Variants in SBK1 observed in about 807,000 individuals in gnomAD.
SBK1 encodes the protein SH3 domain binding kinase 1.
A neutral mutation model predicts 24.4 loss-of-function variants in SBK1; 11 were observed. That is an observed-to-expected ratio of 0.45 (90% CI 0.28 to 0.75). SBK1 has a LOEUF of 0.75. SBK1 is among the 30% of genes least tolerant of loss of function. The probability of loss-of-function intolerance (pLI) is 0.12; values close to 1 mark genes in which losing one functional copy is unlikely to be tolerated. For synonymous variants in SBK1, 308 were observed against 284.4 expected (o/e 1.08, Z -0.83); for missense variants, 467 against 620.5 (o/e 0.75, Z 2.63).
At chr16:28,306,003 G>A (rs190221117) in intron 1 of SBK1, among the ~76,000 whole-genome samples, 84 of 152,258 alleles carry the variant, frequency 5.5e-4, no homozygotes, top group Middle Eastern at 3.4e-3. Context: ...CTCTCTGCCC[G>A]TGAAGTTTGG....
chr16:28,310,491 G>T (rs958501002), intron 1 of SBK1, among the ~76,000 whole-genome samples: 1 of 152,206 alleles, frequency 6.6e-6, no homozygotes, highest in African/African-American at 2.4e-5. Flanking sequence ...AGAGTGAAAG[G>T]TACCAGCTTT....
chr16:28,280,115 CTA>C (rs1193408430), intron 1 of SBK1, among the ~76,000 whole-genome samples: 326 of 29,442 alleles, frequency 0.011, 6 homozygotes, highest in Middle Eastern at 0.036. Flanking sequence ...TTGAAAAAAA[CTA>C]TATATATATA....
intron 1 of SBK1, among the ~76,000 whole-genome samples, chr16:28,297,955 G>T (rs2044652349): frequency 6.6e-6 from 1 of 152,206 alleles, no homozygotes; most frequent in Non-Finnish European, 1.5e-5. Context: ...CTGCCTGAGG[G>T]CTGGGACCGT....
At chr16:28,311,392 G>A (rs572271655) in intron 1 of SBK1, among the ~76,000 whole-genome samples, 1 of 152,278 alleles carries the variant, frequency 6.6e-6, no homozygotes, top group Non-Finnish European at 1.5e-5. Context: ...GGAACAGGCA[G>A]GAGAGACTCT....
intron 1 of SBK1, among the ~76,000 whole-genome samples, chr16:28,281,983 G>C (rs986156944): frequency 5.9e-5 from 9 of 152,094 alleles, no homozygotes; most frequent in African/African-American, 2.2e-4. Context: ...TCTGAGGGTG[G>C]AAGAAGCTGA....
chr16:28,270,832 C>CTTAT (rs199763829), intron 1 of SBK1, among the ~76,000 whole-genome samples: 47 of 147,744 alleles, frequency 3.2e-4, no homozygotes, highest in African/African-American at 1.1e-3. Context: ...TGCACCCTTT[C>CTTAT]TTATTTATTT....
At chr16:28,295,994 C>T (rs1184188384) in intron 1 of SBK1, among the ~76,000 whole-genome samples, 2 of 146,686 alleles carry the variant, frequency 1.4e-5, no homozygotes, top group Non-Finnish European at 3.0e-5. Flanking sequence ...GGCGAGATCT[C>T]GGCTCACTAC....
chr16:28,280,137 A>ATGTGTGTGTGTG (rs1361531982), intron 1 of SBK1, among the ~76,000 whole-genome samples: 2 of 59,114 alleles, frequency 3.4e-5, no homozygotes, highest in Non-Finnish European at 8.7e-5. Flanking sequence ...ATATATATAT[A>ATGTGTGTGTGTG]TATATATATA....
At chr16:28,269,430 G>A (rs1037566501) in intron 1 of SBK1, among the ~76,000 whole-genome samples, 5 of 152,140 alleles carry the variant, frequency 3.3e-5, no homozygotes, top group African/African-American at 4.8e-5. Context: ...TAGAGGATCA[G>A]TGCAGGCATC....
chr16:28,258,839 C>T (rs2044378101), upstream of SBK1: 1 of 152,842 alleles, frequency 6.5e-6, no homozygotes, highest in Non-Finnish European at 1.5e-5. Context: ...CTGCAGGTCC[C>T]AACCCTCTCT....
chr16:28,269,178 C>T (rs1481560100), intron 1 of SBK1, among the ~76,000 whole-genome samples: 2 of 151,756 alleles, frequency 1.3e-5, no homozygotes, highest in Non-Finnish European at 2.9e-5. Flanking sequence ...GGATTAAAAG[C>T]GCCCGCCACC....
chr16:28,282,907 T>TTTTA lies in SBK1; in HGVS notation c.257+23425_257+23428dup, dbSNP rs10609962. ...AGACGGTGTTTAATTACTCTCGCAT[T>TTTTA]TTTATTTATTTATTTATTTATTTGT... On this transcript the variant is annotated intron_variant, in intron 1 of 3. Coordinates refer to the SBK1 transcript ENST00000671413. Among the ~76,000 whole-genome samples the TTTTA allele has an allele frequency of 5.1e-4, 77 of 150,100 alleles. 1 individual carries two copies. The highest frequency in any genetic ancestry group is 1.7e-3 in the South Asian group (8 of 4,728).
chr16:28,268,391 C>T (rs1210728811), intron 1 of SBK1, among the ~76,000 whole-genome samples: 1 of 151,438 alleles, frequency 6.6e-6, no homozygotes, highest in African/African-American at 2.4e-5. Context: ...CATAGGTGTG[C>T]ACCACCACAC....
intron 1 of SBK1, among the ~76,000 whole-genome samples, chr16:28,313,891 C>T (rs987513904): frequency 8.3e-4 from 127 of 152,176 alleles, no homozygotes; most frequent in Admixed American, 1.2e-3. Flanking sequence ...GGAAGGGAGC[C>T]GCTGGGCTGC....
chr16:28,276,521 T>C (rs1428379575), intron 1 of SBK1, among the ~76,000 whole-genome samples: 1 of 152,098 alleles, frequency 6.6e-6, no homozygotes, highest in African/African-American at 2.4e-5. Flanking sequence ...CTGTGCCAGG[T>C]TGGTCCTATA....
intron 1 of SBK1, among the ~76,000 whole-genome samples, chr16:28,282,842 T>C (rs1006300126): frequency 2.6e-5 from 4 of 152,178 alleles, no homozygotes; most frequent in African/African-American, 9.7e-5. Flanking sequence ...CAGCATACCC[T>C]GGGGTGCTGA....
intron 1 of SBK1, among the ~76,000 whole-genome samples, chr16:28,284,429 G>A (rs140548905): frequency 6.6e-6 from 1 of 152,324 alleles, no homozygotes; most frequent in Non-Finnish European, 1.5e-5. Context: ...ACCCCCATGG[G>A]CATGGGCGGG....
At chr16:28,270,459 T>G (rs1404699548) in intron 1 of SBK1, among the ~76,000 whole-genome samples, 1 of 151,332 alleles carries the variant, frequency 6.6e-6, no homozygotes, top group African/African-American at 2.4e-5. Context: ...AGGGTTTTGC[T>G]CTGTCACCCA....
upstream of SBK1, among the ~76,000 whole-genome samples, chr16:28,292,358 G>A (rs932678548): frequency 7.2e-4 from 106 of 146,338 alleles, no homozygotes; most frequent in African/African-American, 2.6e-3. Flanking sequence ...GGGAGAATCT[G>A]CGCTCCGCGG....
Sources: allele counts gnomAD v4.1 joint callset (sites outside exome capture counted in the v4.1 genomes callset), GRCh38; gene constraint gnomAD v4.1.1; transcripts MANE v1.5; gene names NCBI Gene and HGNC (gene_info 2026-07-23, HGNC 2026-07-21).